The following PAPPA2 variants were observed in gnomAD, a reference collection of about 807,000 sequenced individuals.
PAPPA2 encodes pappalysin-2.
Under a neutral mutation model 176.4 loss-of-function variants are expected in PAPPA2, and 86 were observed. The ratio of observed to expected loss-of-function variants is 0.49; its 90% CI spans 0.41 to 0.58. PAPPA2 has a LOEUF of 0.58. Among genes scored for constraint, PAPPA2 ranks in the 20% least tolerant of loss-of-function variants. The pLI is 0.00. For synonymous variants in PAPPA2, 809 were observed against 852.2 expected (o/e 0.95, Z 0.88); for missense variants, 2,073 against 2,256.9 (o/e 0.92, Z 1.65).
At position 176,595,021 on chromosome 1, in the gene PAPPA2, G is replaced by A. The variant is rs770765093; in HGVS notation, c.1417G>A (p.Glu473Lys). The change falls in exon 3 of 23, where the codon GAG (glutamate) becomes AAG (lysine). Residue 473 changes from glutamate (E) to lysine (K), a missense_variant. By Grantham distance (56) the Glu-to-Lys change is moderately conservative. Coordinates refer to ENST00000367662, the MANE Select transcript of PAPPA2 (RefSeq NM_020318.3). Reference sequence around the variant, plus strand: ...CACAGAGTGGGTTCCCTTTAGAGATGAGAAGTACCCACGACTTGAGGTTCT... The same window carrying A: ...CACAGAGTGGGTTCCCTTTAGAGATAAGAAGTACCCACGACTTGAGGTTCT... ...VNTEWVPFRD[E>K]KYPRLEVLQG... The A allele has an allele frequency of 6.2e-7, 1 of 1,614,188 alleles. No individual in the cohort carries two copies. Among genetic ancestry groups the A allele is most frequent in the Admixed American group, 1.7e-5 (1 of 60,020 alleles).
chr1:176,836,425 A>G (rs1667272218), intron 21 of PAPPA2, among the ~76,000 whole-genome samples: 1 of 152,256 alleles, frequency 6.6e-6, no homozygotes, highest in African/African-American at 2.4e-5. Context: ...TTAGTAATGC[A>G]GAAGTTCTAA....
At chr1:176,840,733 T>G (rs1436803522) in intron 22 of PAPPA2, among the ~76,000 whole-genome samples, 1 of 152,224 alleles carries the variant, frequency 6.6e-6, no homozygotes, top group African/African-American at 2.4e-5. Context: ...CTGGATTGTC[T>G]CGTGAGCAAT....
At chr1:176,542,938 T>C (rs1650438421) in intron 1 of PAPPA2, among the ~76,000 whole-genome samples, 1 of 152,200 alleles carries the variant, frequency 6.6e-6, no homozygotes. Context: ...TAAAATCTTG[T>C]AGGCTCTACA....
chr1:176,619,416 G>A (rs1048280558), intron 3 of PAPPA2, among the ~76,000 whole-genome samples: 1 of 152,186 alleles, frequency 6.6e-6, no homozygotes, highest in African/African-American at 2.4e-5. Flanking sequence ...TTGACTGAAT[G>A]ACGTTAGATT....
chr1:176,583,312 C>T (rs565630892), intron 2 of PAPPA2, among the ~76,000 whole-genome samples: 6 of 151,470 alleles, frequency 4.0e-5, no homozygotes, highest in South Asian at 2.1e-4. Flanking sequence ...TGCATTGTTA[C>T]GTTGTTGTTT....
At chr1:176,558,036 C>T (rs1439712225) in intron 2 of PAPPA2, among the ~76,000 whole-genome samples, 1 of 152,140 alleles carries the variant, frequency 6.6e-6, no homozygotes, top group East Asian at 1.9e-4. Context: ...CCCAGAAGGG[C>T]AAAGAAAAAT....
At chr1:176,610,415 G>A (rs1240531918) in intron 3 of PAPPA2, among the ~76,000 whole-genome samples, 1 of 152,148 alleles carries the variant, frequency 6.6e-6, no homozygotes, top group Non-Finnish European at 1.5e-5. Flanking sequence ...AACCAAGCTG[G>A]TGGAGACCTA....
intron 1 of PAPPA2, among the ~76,000 whole-genome samples, chr1:176,479,058 A>C (rs1363519215): frequency 6.6e-6 from 1 of 152,148 alleles, no homozygotes; most frequent in Non-Finnish European, 1.5e-5. Flanking sequence ...GGATTTTTTC[A>C]CTCAAAAAAC....
chr1:176,599,311 G>A (rs1434495895), intron 3 of PAPPA2, among the ~76,000 whole-genome samples: 2 of 151,748 alleles, frequency 1.3e-5, no homozygotes, highest in Non-Finnish European at 2.9e-5. Context: ...GCCTTTTATT[G>A]TTCTTTTGTT....
chr1:176,641,150 C>G (rs1359564872), intron 3 of PAPPA2, among the ~76,000 whole-genome samples: 1 of 150,896 alleles, frequency 6.6e-6, no homozygotes, highest in Non-Finnish European at 1.5e-5. Flanking sequence ...TGCCTGTTCA[C>G]TCTGGTGGTA....
chr1:176,804,004 C>A (rs528459045), intron 21 of PAPPA2, among the ~76,000 whole-genome samples: 1 of 152,268 alleles, frequency 6.6e-6, no homozygotes, highest in Admixed American at 6.5e-5. Flanking sequence ...GTATTAGATT[C>A]TTGTGCCTCA....
At chr1:176,787,556 A>G (rs893241795) in intron 17 of PAPPA2, among the ~76,000 whole-genome samples, 5 of 152,170 alleles carry the variant, frequency 3.3e-5, no homozygotes, top group African/African-American at 1.2e-4. Context: ...TTTCTATTGC[A>G]AAATGTCCTT....
chr1:176,748,923 C>A (rs1663039862), intron 14 of PAPPA2, among the ~76,000 whole-genome samples: 1 of 152,180 alleles, frequency 6.6e-6, no homozygotes, highest in Admixed American at 6.5e-5. Flanking sequence ...CAACACATTT[C>A]TCAGAATGTA....
At chr1:176,797,052 G>T (rs972332854) in intron 20 of PAPPA2, among the ~76,000 whole-genome samples, 1 of 152,152 alleles carries the variant, frequency 6.6e-6, no homozygotes, top group Non-Finnish European at 1.5e-5. Flanking sequence ...TTGGCATTTA[G>T]ATACTGGAAC....
At chr1:176,817,714 C>T (rs1666462831) in intron 21 of PAPPA2, among the ~76,000 whole-genome samples, 1 of 146,546 alleles carries the variant, frequency 6.8e-6, no homozygotes, top group African/African-American at 2.6e-5. Context: ...TGTTGAATGC[C>T]ATTAACCTCT....
At chr1:176,752,950 T>C (rs1663249056) in intron 14 of PAPPA2, among the ~76,000 whole-genome samples, 1 of 152,204 alleles carries the variant, frequency 6.6e-6, no homozygotes, top group Non-Finnish European at 1.5e-5. Context: ...CCAGTGCAAA[T>C]AATTTATGTG....
intron 15 of PAPPA2, among the ~76,000 whole-genome samples, chr1:176,767,582 G>A (rs113126523): frequency 0.077 from 11,662 of 152,256 alleles, 523 homozygotes; most frequent in Non-Finnish European, 0.11. Context: ...TGCTGACCTC[G>A]TGATCCGCCC....
chr1:176,826,940 G>T (rs1666883279), intron 21 of PAPPA2, among the ~76,000 whole-genome samples: 1 of 152,270 alleles, frequency 6.6e-6, no homozygotes. Flanking sequence ...TTTGATTGTG[G>T]TAAGGATACC....
chr1:176,755,620 A>G (rs1215161451), intron 14 of PAPPA2, among the ~76,000 whole-genome samples: 1 of 152,218 alleles, frequency 6.6e-6, no homozygotes, highest in African/African-American at 2.4e-5. Context: ...GGAGGGTACC[A>G]GTGATCATTG....
Sources: gnomAD v4.1 joint callset for allele counts (sites outside exome capture counted in the v4.1 genomes callset) on GRCh38, gnomAD v4.1.1 for gene constraint, MANE v1.5 for transcripts, NCBI Gene and HGNC (gene_info 2026-07-23, HGNC 2026-07-21) for gene names.